EFHC2: variants seen among roughly 807,000 people sequenced by gnomAD.
EFHC2 encodes the protein EF-hand domain containing 2.
In EFHC2, 18 loss-of-function variants were observed where a neutral mutation model predicts 52.7. The ratio of observed to expected loss-of-function variants is 0.34; its 90% CI spans 0.24 to 0.51. The LOEUF (loss-of-function observed/expected upper bound fraction) is 0.51, where lower values mean the gene tolerates loss of function less well. EFHC2 is among the 20% of genes least tolerant of loss of function. The probability of loss-of-function intolerance (pLI) is 0.97; values close to 1 mark genes in which losing one functional copy is unlikely to be tolerated. For synonymous variants in EFHC2, 203 were observed against 204.1 expected (o/e 0.99, Z 0.04); for missense variants, 513 against 562.5 (o/e 0.91, Z 0.89).
At chrX:44,177,463 G>A (rs773251279) in intron 12 of EFHC2, among the ~76,000 whole-genome samples, 1 of 111,546 alleles carries the variant, frequency 9.0e-6, no homozygotes, top group East Asian at 2.8e-4. Flanking sequence ...CGGATTAGAA[G>A]CTAGAGCAAG....
chrX:44,260,651 T>C (rs903205462), intron 4 of EFHC2, among the ~76,000 whole-genome samples: 1 of 111,767 alleles, frequency 8.9e-6, no homozygotes, highest in African/African-American at 3.3e-5. Flanking sequence ...AGAAAAAATG[T>C]GTACCCAAGG....
At chrX:44,180,816 G>T (rs1178354509) in intron 11 of EFHC2, among the ~76,000 whole-genome samples, 1 of 109,675 alleles carries the variant, frequency 9.1e-6, no homozygotes, top group East Asian at 2.8e-4. Context: ...AAGAAGTTAT[G>T]ATGTCTGGGA....
At chrX:44,214,248 G>A (rs2037125444) in intron 11 of EFHC2, among the ~76,000 whole-genome samples, 1 of 111,774 alleles carries the variant, frequency 8.9e-6, no homozygotes, top group African/African-American at 3.3e-5. Flanking sequence ...GAGAACAACA[G>A]ACACGATAAA....
At chrX:44,167,319 T>C (rs756363817) in intron 13 of EFHC2, among the ~76,000 whole-genome samples, 1 of 112,070 alleles carries the variant, frequency 8.9e-6, no homozygotes, top group South Asian at 3.7e-4. Flanking sequence ...CTTATCTGAG[T>C]CCCTATGCCT....
intron 11 of EFHC2, among the ~76,000 whole-genome samples, chrX:44,205,351 T>C (rs1175004963): frequency 9.1e-6 from 1 of 109,475 alleles, no homozygotes; most frequent in Non-Finnish European, 1.9e-5. Context: ...CACATATCAA[T>C]ACTAACCTTG....
At chrX:44,320,990 A>G (rs1242449670) in intron 1 of EFHC2, among the ~76,000 whole-genome samples, 3 of 111,677 alleles carry the variant, frequency 2.7e-5, no homozygotes, top group Non-Finnish European at 5.6e-5. Context: ...CAGGGCATAG[A>G]AAGGATCGCT....
At chrX:44,215,107 T>C (rs1404397635) in intron 11 of EFHC2, among the ~76,000 whole-genome samples, 1 of 111,537 alleles carries the variant, frequency 9.0e-6, no homozygotes, top group African/African-American at 3.3e-5. Context: ...TCTCTCTCTC[T>C]TTCCTGCCAC....
intron 13 of EFHC2, 79 bp from the exon 14 acceptor site, chrX:44,164,106 G>T: frequency 1.7e-6 from 1 of 576,008 alleles, no homozygotes; most frequent in Non-Finnish European, 2.6e-6. Flanking sequence ...ATTTTATCAT[G>T]AAAACATAAT....
At chrX:44,201,046 A>C (rs2037002949) in intron 11 of EFHC2, among the ~76,000 whole-genome samples, 1 of 112,342 alleles carries the variant, frequency 8.9e-6, no homozygotes, top group East Asian at 2.8e-4. Context: ...GTCTCATTAA[A>C]TATCAAAGAA....
intron 11 of EFHC2, among the ~76,000 whole-genome samples, chrX:44,183,126 T>TA (rs984248098): frequency 1.8e-5 from 2 of 110,328 alleles, no homozygotes; most frequent in Admixed American, 9.7e-5. Flanking sequence ...TCAAATAAAC[T>TA]AAAAAAAAAT....
At chrX:44,269,683 C>A (rs980923237) in intron 3 of EFHC2, among the ~76,000 whole-genome samples, 7 of 111,286 alleles carry the variant, frequency 6.3e-5, no homozygotes, top group Admixed American at 5.7e-4. Context: ...GATGCAGAAG[C>A]TGGTGCCATG....
At chrX:44,327,164 G>A (rs993314560) in intron 1 of EFHC2, among the ~76,000 whole-genome samples, 1 of 111,835 alleles carries the variant, frequency 8.9e-6, no homozygotes. Flanking sequence ...TGCTTTTTGA[G>A]AAAAGTAATA....
At chrX:44,175,754 C>T (rs190333282) in intron 13 of EFHC2, among the ~76,000 whole-genome samples, 77 of 111,257 alleles carry the variant, frequency 6.9e-4, no homozygotes, top group African/African-American at 2.4e-3. Flanking sequence ...TAAGAGATGG[C>T]CAGAGTCTAG....
chrX:44,286,740 A>G (rs185796376), intron 2 of EFHC2, among the ~76,000 whole-genome samples: 1 of 110,652 alleles, frequency 9.0e-6, no homozygotes, highest in Admixed American at 9.6e-5. Flanking sequence ...TCGGCCGGGC[A>G]TGGTGGCTCA....
chrX:44,306,477 G>A (rs1192235081), intron 2 of EFHC2, among the ~76,000 whole-genome samples: 1 of 111,456 alleles, frequency 9.0e-6, no homozygotes, highest in East Asian at 2.8e-4. Flanking sequence ...TGAGTCATGC[G>A]GCCAGCCCTA....
intron 4 of EFHC2, among the ~76,000 whole-genome samples, chrX:44,251,238 C>CA (rs746850685): frequency 0.049 from 887 of 18,270 alleles, 173 homozygotes; most frequent in Admixed American, 0.12. Flanking sequence ...GACTCCATCT[C>CA]AAAAAAAAAA....
At chrX:44,157,780 C>T (rs940710021) in intron 14 of EFHC2, among the ~76,000 whole-genome samples, 3 of 106,717 alleles carry the variant, frequency 2.8e-5, no homozygotes, top group African/African-American at 6.9e-5. Flanking sequence ...CTACCCACCC[C>T]GTCAACAGTC....
In EFHC2 at chrX:44,274,734, A is replaced by T. The variant is rs2037642349; in HGVS notation, c.232-1898T>A. 2.7e-5 allele frequency among the ~76,000 whole-genome samples: 3 copies of T among 110,559 alleles called. No individual in the cohort carries two copies. In the South Asian group the frequency reaches 1.2e-3, roughly 43 times the overall value. ...TGAGACCCCGTTTTTACAAAAAAAAATTTAAAAATTAGTCGGGCTTGGTTA... is the reference window on the plus strand; with the variant it reads ...TGAGACCCCGTTTTTACAAAAAAAATTTTAAAAATTAGTCGGGCTTGGTTA... On this transcript the variant is annotated intron_variant, in intron 2 of 14. Transcript: ENST00000420999.
intron 11 of EFHC2, among the ~76,000 whole-genome samples, chrX:44,188,235 C>T (rs931801593): frequency 1.1e-4 from 12 of 110,467 alleles, no homozygotes; most frequent in Non-Finnish European, 2.1e-4. Flanking sequence ...CTGCCTGCCT[C>T]AGCCTCCCCA....
Sources: gnomAD v4.1 joint callset for allele counts (sites outside exome capture counted in the v4.1 genomes callset) on GRCh38, gnomAD v4.1.1 for gene constraint, MANE v1.5 for transcripts, NCBI Gene and HGNC (gene_info 2026-07-23, HGNC 2026-07-21) for gene names.